The following NFIA variants were observed in gnomAD, a reference collection of about 807,000 sequenced individuals.
The protein encoded by NFIA is nuclear factor I A.
NFIA carries 8 observed loss-of-function variants against 62.8 expected under a neutral mutation model. That is an observed-to-expected ratio of 0.13 (90% CI 0.07 to 0.23). NFIA has a LOEUF of 0.23. Among genes scored for constraint, NFIA ranks in the 10% least tolerant of loss-of-function variants. The pLI is 1.00. For synonymous variants in NFIA, 235 were observed against 238.1 expected (o/e 0.99, Z 0.12); for missense variants, 410 against 642.1 (o/e 0.64, Z 3.91).
chr1:61,256,710 T>A (rs1202285795), intron 2 of NFIA, among the ~76,000 whole-genome samples: 3 of 152,198 alleles, frequency 2.0e-5, no homozygotes, highest in African/African-American at 7.2e-5. Context: ...GCTTGTATGT[T>A]GTATACTTTC....
At chr1:61,306,986 A>T (rs1659838416) in intron 3 of NFIA, among the ~76,000 whole-genome samples, 1 of 152,090 alleles carries the variant, frequency 6.6e-6, no homozygotes, top group African/African-American at 2.4e-5. Context: ...CTAACCCAAT[A>T]CTGTCCATAT....
At chr1:61,367,654 G>A (rs74649918) in intron 6 of NFIA, among the ~76,000 whole-genome samples, 1,713 of 152,250 alleles carry the variant, frequency 0.011, 27 homozygotes, top group African/African-American at 0.039. Flanking sequence ...TACCAAATGA[G>A]CACTGTAACC....
At chr1:61,235,175 CA>C (rs1222254862) in intron 2 of NFIA, among the ~76,000 whole-genome samples, 1 of 152,054 alleles carries the variant, frequency 6.6e-6, no homozygotes, top group Admixed American at 6.6e-5. Context: ...TAAAAATGAA[CA>C]AAGGGGCTGG....
intron 2 of NFIA, among the ~76,000 whole-genome samples, chr1:61,121,641 A>G (rs1237283668): frequency 1.3e-5 from 2 of 152,212 alleles, no homozygotes; most frequent in Non-Finnish European, 2.9e-5. Context: ...GATGTGTAAC[A>G]TAAAAGAATC....
At chr1:61,189,858 C>T (rs567470320) in intron 2 of NFIA, among the ~76,000 whole-genome samples, 1 of 152,084 alleles carries the variant, frequency 6.6e-6, no homozygotes, top group Non-Finnish European at 1.5e-5. Context: ...CCTAGAAACT[C>T]ACTGAATACT....
At chr1:61,283,947 A>T (rs748913851) in intron 3 of NFIA, among the ~76,000 whole-genome samples, 2 of 152,202 alleles carry the variant, frequency 1.3e-5, no homozygotes, top group South Asian at 2.1e-4. Flanking sequence ...TTTGGAGGCA[A>T]TGCAACCTTA....
At chr1:61,087,678 C>T (rs1646242712) in intron 1 of NFIA, among the ~76,000 whole-genome samples, 1 of 152,152 alleles carries the variant, frequency 6.6e-6, no homozygotes, top group African/African-American at 2.4e-5. Context: ...TCCTAGACTT[C>T]CATAAACATT....
intron 2 of NFIA, among the ~76,000 whole-genome samples, chr1:61,246,635 C>T (rs1655664932): frequency 6.6e-6 from 1 of 152,070 alleles, no homozygotes; most frequent in African/African-American, 2.4e-5. Context: ...ACTATCTTTG[C>T]GTTATTGTCC....
chr1:61,179,695 G>A (rs1035985131), intron 2 of NFIA, among the ~76,000 whole-genome samples: 2 of 152,174 alleles, frequency 1.3e-5, no homozygotes, highest in African/African-American at 4.8e-5. Context: ...TCAAGGGTAA[G>A]GGATTCAAAC....
intron 2 of NFIA, among the ~76,000 whole-genome samples, chr1:61,256,922 G>A (rs1045015342): frequency 6.6e-6 from 1 of 152,126 alleles, no homozygotes; most frequent in Non-Finnish European, 1.5e-5. Flanking sequence ...TTGAGAGAAA[G>A]ATGTACCATT....
rs139355339 is a variant in NFIA at position 61,366,837 on chromosome 1, C to T, written c.946+7563C>T. ...ACTAGGGAGGCTGAGGCAGGAGAAT[C>T]GCTTGAACCCAGGAGGCAGAGGTTG... On this transcript the variant is annotated intron_variant, in intron 6 of 10. Transcript: ENST00000403491. Among the ~76,000 whole-genome samples, 113 of 152,216 alleles carry T rather than the reference C, an allele frequency of 7.4e-4. 1 individual carries two copies. Among genetic ancestry groups the T allele is most frequent in the African/African-American group, 2.6e-3 (110 of 41,526 alleles).
At chr1:61,361,783 G>A (rs914697099) in intron 6 of NFIA, among the ~76,000 whole-genome samples, 5 of 192 alleles carry the variant, frequency 0.026, no homozygotes, top group Non-Finnish European at 0.04. Flanking sequence ...TTGGTAAGAG[G>A]TGTGTGTGTG....
chr1:61,441,847 T>G (rs1667596910), intron 10 of NFIA, among the ~76,000 whole-genome samples: 1 of 152,150 alleles, frequency 6.6e-6, no homozygotes, highest in Non-Finnish European at 1.5e-5. Flanking sequence ...ATTTTTTTCC[T>G]GTCTTGAAGT....
chr1:61,330,854 G>C (rs1030370783), intron 3 of NFIA, among the ~76,000 whole-genome samples: 2 of 152,120 alleles, frequency 1.3e-5, no homozygotes, highest in Admixed American at 6.5e-5. Context: ...CCTTGTTATT[G>C]TTCTATGTGT....
rs143634658 is a variant in NFIA at position 61,088,562 on chromosome 1, C to T, written c.441C>T (p.Gly147=). The change falls in exon 2 of 11, where the codon GGC becomes GGT. Residue 147 remains glycine (G), a synonymous_variant. Coordinates refer to ENST00000403491, the MANE Select transcript of NFIA (RefSeq NM_001134673.4). The surrounding 1 kb of genome is among the most constrained non-coding windows in gnomAD (Gnocchi z 4.5). ...FKGIPLESTD[G]ERLVKSPQCS... is the part of the protein sequence containing the mutation. ...GTATTCCGCTGGAAAGTACTGATGG[C>T]GAGCGCCTTGTAAAGTCCCCACAAT... 6.8e-6 allele frequency: 11 copies of T among 1,614,134 alleles called. No homozygotes were observed. The highest frequency in any genetic ancestry group is 5.3e-5 in the African/African-American group (4 of 75,030).
intron 5 of NFIA, 128 bp downstream of exon 5, chr1:61,352,695 C>T: frequency 1.3e-6 from 1 of 777,322 alleles, no homozygotes; most frequent in South Asian, 1.5e-5. Context: ...GTGGGTTCAG[C>T]CCCAAAAGAC....
intron 1 of NFIA, among the ~76,000 whole-genome samples, chr1:61,085,530 G>A (rs1267682630): frequency 2.0e-5 from 3 of 151,430 alleles, no homozygotes; most frequent in Non-Finnish European, 4.4e-5. Flanking sequence ...CTAGCTTATA[G>A]CGATATGTTC....
chr1:61,255,305 A>G (rs2100222895), intron 2 of NFIA, among the ~76,000 whole-genome samples: 1 of 152,322 alleles, frequency 6.6e-6, no homozygotes, highest in Non-Finnish European at 1.5e-5. Context: ...CCTTGTTTGA[A>G]TTGTCTGAAA....
chr1:61,137,470 G>T (rs550090470), intron 2 of NFIA, among the ~76,000 whole-genome samples: 9 of 152,302 alleles, frequency 5.9e-5, no homozygotes, highest in Admixed American at 5.9e-4. Flanking sequence ...GATCAAATTT[G>T]TCATATAAAT....
Sources: allele counts gnomAD v4.1 joint callset (sites outside exome capture counted in the v4.1 genomes callset), GRCh38; gene constraint gnomAD v4.1.1; non-coding constraint Gnocchi (gnomAD v3.1); transcripts MANE v1.5; gene names NCBI Gene and HGNC (gene_info 2026-07-23, HGNC 2026-07-21).